RAP1GDS1: variants seen among roughly 807,000 people sequenced by gnomAD.
RAP1GDS1 encodes the protein RAP1, GTP-GDP dissociation stimulator 1.
RAP1GDS1 carries 35 observed loss-of-function variants against 71.1 expected under a neutral mutation model. That is an observed-to-expected ratio of 0.49 (90% confidence interval 0.38 to 0.65). RAP1GDS1 has a LOEUF of 0.65. Among genes scored for constraint, RAP1GDS1 ranks in the 30% least tolerant of loss-of-function variants. The pLI is 0.00. For synonymous variants in RAP1GDS1, 229 were observed against 243.1 expected (o/e 0.94, Z 0.54); for missense variants, 663 against 706.1 (o/e 0.94, Z 0.69).
At chr4:98,267,557 C>T (rs1007978374) in intron 1 of RAP1GDS1, among the ~76,000 whole-genome samples, 1 of 152,050 alleles carries the variant, frequency 6.6e-6, no homozygotes, top group South Asian at 2.1e-4. Context: ...ATATGTACAC[C>T]CAGTGCTTAG....
At chr4:98,355,196 T>G (rs1483495814) in intron 4 of RAP1GDS1, among the ~76,000 whole-genome samples, 1 of 152,204 alleles carries the variant, frequency 6.6e-6, no homozygotes, top group Non-Finnish European at 1.5e-5. Context: ...TTTAGTGGCT[T>G]CTATTTTAAT....
At chr4:98,283,140 G>T (rs1033554896) in intron 1 of RAP1GDS1, among the ~76,000 whole-genome samples, 1 of 152,160 alleles carries the variant, frequency 6.6e-6, no homozygotes, top group African/African-American at 2.4e-5. Context: ...GATTCTTCAA[G>T]TAACTTCATG....
At chr4:98,434,713 T>C (rs942637522) in intron 13 of RAP1GDS1, among the ~76,000 whole-genome samples, 1 of 151,290 alleles carries the variant, frequency 6.6e-6, no homozygotes, top group African/African-American at 2.4e-5. Flanking sequence ...GTCCGCGTCC[T>C]GGGTTCAAGC....
At chr4:98,279,874 T>G (rs1337802190) in intron 1 of RAP1GDS1, among the ~76,000 whole-genome samples, 1 of 152,210 alleles carries the variant, frequency 6.6e-6, no homozygotes, top group East Asian at 1.9e-4. Flanking sequence ...TTTTCTGTCC[T>G]TGTGATAGTT....
At chr4:98,277,643 C>G (rs1724423438) in intron 1 of RAP1GDS1, among the ~76,000 whole-genome samples, 1 of 152,126 alleles carries the variant, frequency 6.6e-6, no homozygotes, top group South Asian at 2.1e-4. Flanking sequence ...TCTGTGGTAC[C>G]TACTACTACT....
chr4:98,262,674 C>T (rs1318057826), intron 1 of RAP1GDS1, among the ~76,000 whole-genome samples: 1 of 152,224 alleles, frequency 6.6e-6, no homozygotes, highest in Non-Finnish European at 1.5e-5. Flanking sequence ...ACTTTTCCCA[C>T]CCCTTCTGTG....
At chr4:98,404,747 T>C (rs1312214744) in intron 7 of RAP1GDS1, 145 bp downstream of exon 7, 1 of 966,002 alleles carries the variant, frequency 1.0e-6, no homozygotes, top group Non-Finnish European at 1.5e-6. Context: ...ACTTTAGCTA[T>C]GTTATCTACT....
intron 7 of RAP1GDS1, chr4:98,409,653 C>A: frequency 3.4e-6 from 1 of 298,304 alleles, no homozygotes. Context: ...AGAAATGTAC[C>A]TGAGTTCAAC....
At chr4:98,362,005 G>A (rs1017413270) in intron 4 of RAP1GDS1, among the ~76,000 whole-genome samples, 7 of 152,016 alleles carry the variant, frequency 4.6e-5, no homozygotes, top group Non-Finnish European at 7.4e-5. Context: ...AATAAATTGC[G>A]TTTTGAGTTT....
chr4:98,329,574 G>A (rs1411041453), intron 2 of RAP1GDS1, among the ~76,000 whole-genome samples: 3 of 152,046 alleles, frequency 2.0e-5, no homozygotes, highest in Non-Finnish European at 4.4e-5. Context: ...CAGATCACGA[G>A]GTCAGAAGTT....
chr4:98,398,528 C>G (rs1233271607), intron 6 of RAP1GDS1, among the ~76,000 whole-genome samples: 2 of 152,054 alleles, frequency 1.3e-5, no homozygotes, highest in African/African-American at 4.8e-5. Flanking sequence ...ACATATGTCT[C>G]AAAACAACAT....
In RAP1GDS1 at chr4:98,407,481, A is replaced by G. The variant is rs1163548627; in HGVS notation, c.763+2879A>G. On this transcript the variant is annotated intron_variant, in intron 7 of 14. Transcript: ENST00000408927. ...ATGGGGTGTGTATACACACACACAC[A>G]CACACACACAACATGGAATACTACT... is the stretch of plus-strand genomic sequence containing the variant. 5.3e-5 allele frequency among the ~76,000 whole-genome samples: 8 copies of G among 152,164 alleles called. No homozygotes were observed. In the East Asian group the frequency reaches 1.5e-3, roughly 29 times the overall value.
intron 2 of RAP1GDS1, among the ~76,000 whole-genome samples, chr4:98,312,025 C>G (rs987976164): frequency 6.6e-6 from 1 of 152,044 alleles, no homozygotes; most frequent in Non-Finnish European, 1.5e-5. Flanking sequence ...ATCAGAGTGA[C>G]AGGAGGAAGA....
rs958030073 is a variant in RAP1GDS1, at chr4:98,271,491, A to G, written c.4+9922A>G. ...TCACTGAATGCAGAGTTGAGAAGAG[A>G]TAAGAGGTAGCACATCATTATATAC... On this transcript the variant is annotated intron_variant, in intron 1 of 14. Coordinates refer to ENST00000408927, the MANE Select transcript of RAP1GDS1 (RefSeq NM_001100427.2). 3.3e-5 allele frequency among the ~76,000 whole-genome samples: 5 copies of G among 152,246 alleles called. No homozygotes were observed. The South Asian group carries it at 1.0e-3, about 32-fold the overall frequency.
intron 7 of RAP1GDS1, among the ~76,000 whole-genome samples, chr4:98,416,340 T>TG (rs1484608599): frequency 8.5e-6 from 1 of 117,164 alleles, no homozygotes; most frequent in Non-Finnish European, 1.8e-5. Context: ...CTTAGTTTTT[T>TG]TTTTTTTTTT....
At chr4:98,302,562 A>T (rs935901856) in intron 2 of RAP1GDS1, among the ~76,000 whole-genome samples, 3 of 152,244 alleles carry the variant, frequency 2.0e-5, no homozygotes, top group African/African-American at 7.2e-5. Context: ...ATAGTATTTA[A>T]AAGTACAAAG....
chr4:98,345,135 T>C (rs929835974), intron 3 of RAP1GDS1, among the ~76,000 whole-genome samples: 1 of 152,186 alleles, frequency 6.6e-6, no homozygotes, highest in Non-Finnish European at 1.5e-5. Flanking sequence ...TTCTGGCCTT[T>C]GAGTGTTCTT....
intron 1 of RAP1GDS1, among the ~76,000 whole-genome samples, chr4:98,289,527 G>T (rs1229255220): frequency 7.7e-6 from 1 of 130,494 alleles, no homozygotes; most frequent in African/African-American, 2.9e-5. Flanking sequence ...AAAAGTTTCT[G>T]ATCGGTTTAG....
intron 7 of RAP1GDS1, among the ~76,000 whole-genome samples, chr4:98,415,265 A>G (rs1176074288): frequency 6.6e-6 from 1 of 152,150 alleles, no homozygotes; most frequent in Non-Finnish European, 1.5e-5. Flanking sequence ...TTCAAGGTGC[A>G]CTGATTTCAT....
Sources: allele counts gnomAD v4.1 joint callset (sites outside exome capture counted in the v4.1 genomes callset), GRCh38; gene constraint gnomAD v4.1.1; transcripts MANE v1.5; gene names NCBI Gene and HGNC (gene_info 2026-07-23, HGNC 2026-07-21).